EFHC2: variants seen among roughly 807,000 people sequenced by gnomAD.
EFHC2 encodes EF-hand domain-containing family member C2.
EFHC2 carries 18 observed loss-of-function variants against 52.7 expected under a neutral mutation model. The observed-to-expected ratio is 0.34, with a 90% CI of 0.24 to 0.51. The LOEUF is 0.51. Among genes scored for constraint, EFHC2 ranks in the 20% least tolerant of loss-of-function variants. The probability of loss-of-function intolerance (pLI) is 0.97; values close to 1 mark genes in which losing one functional copy is unlikely to be tolerated. For missense variants in EFHC2, 513 were observed against 562.5 expected (o/e 0.91, Z 0.89); for synonymous variants, 203 against 204.1 (o/e 0.99, Z 0.04).
chrX:44,212,882 T>A (rs1293548939), intron 11 of EFHC2, among the ~76,000 whole-genome samples: 1 of 108,289 alleles, frequency 9.2e-6, no homozygotes, highest in African/African-American at 3.4e-5. Context: ...AGGCTGATTT[T>A]TTTTTTATTT....
chrX:44,276,681 T>C (rs957367380), intron 2 of EFHC2, among the ~76,000 whole-genome samples: 3 of 111,992 alleles, frequency 2.7e-5, no homozygotes, highest in Non-Finnish European at 5.6e-5. Flanking sequence ...GACAGTTGAG[T>C]TATTTGCTTA....
chrX:44,282,134 GA>G (rs988134198), intron 2 of EFHC2, among the ~76,000 whole-genome samples: 6 of 107,015 alleles, frequency 5.6e-5, no homozygotes, highest in Admixed American at 2.0e-4. Context: ...TTTTATCATA[GA>G]AAAAAAAAGG....
chrX:44,261,754 CAA>C lies in EFHC2; in HGVS notation c.383-458_383-457del, dbSNP rs769527844. Among the ~76,000 whole-genome samples the C allele has an allele frequency of 2.7e-3, 88 of 32,475 alleles. 1 individual carries two copies. Among genetic ancestry groups the C allele is most frequent in the Middle Eastern group, 0.027 (2 of 73 alleles). 28.2% of individuals were successfully genotyped at this position (32,475 alleles called of 115,157 possible). ...CTCACAAAAATGTGTACTCATGGCT[CAA>C]AAAAAAAAAAAAAAAAAAAAAGCTA... On this transcript the variant is annotated intron_variant, in intron 3 of 14. Transcript: ENST00000420999.
intron 2 of EFHC2, among the ~76,000 whole-genome samples, chrX:44,274,643 T>G (rs1028681925): frequency 1.8e-5 from 2 of 111,908 alleles, no homozygotes; most frequent in Non-Finnish European, 3.8e-5. Context: ...CTGGCTACAG[T>G]GGCTCAGGCC....
intron 11 of EFHC2, among the ~76,000 whole-genome samples, chrX:44,216,496 T>C (rs936032695): frequency 1.8e-5 from 2 of 111,671 alleles, no homozygotes; most frequent in Non-Finnish European, 1.9e-5. Context: ...ACAACCTGCA[T>C]CTTTTCTAGC....
At chrX:44,154,390 T>C (rs1201661040) in intron 14 of EFHC2, among the ~76,000 whole-genome samples, 5 of 111,892 alleles carry the variant, frequency 4.5e-5, no homozygotes, top group African/African-American at 1.6e-4. Context: ...AGTGTCAGTG[T>C]TTCCCAGTTG....
chrX:44,339,140 G>A (rs973174584), intron 1 of EFHC2, among the ~76,000 whole-genome samples: 5 of 107,130 alleles, frequency 4.7e-5, no homozygotes, highest in Admixed American at 9.9e-5. Flanking sequence ...GCAGTGAGCC[G>A]AGATGGCGCC....
intron 2 of EFHC2, among the ~76,000 whole-genome samples, chrX:44,282,124 T>C (rs770944317): frequency 2.9e-4 from 32 of 110,446 alleles, no homozygotes; most frequent in African/African-American, 1.0e-3. Flanking sequence ...CTTTGCAGCT[T>C]TTTATCATAG....
chrX:44,320,584 C>G (rs992345884), intron 1 of EFHC2, among the ~76,000 whole-genome samples: 2 of 111,403 alleles, frequency 1.8e-5, no homozygotes, highest in African/African-American at 6.5e-5. Context: ...ACTTGTGTCC[C>G]TGATAAGTCA....
chrX:44,328,937 C>T (rs369319946), intron 1 of EFHC2, among the ~76,000 whole-genome samples: 7 of 111,513 alleles, frequency 6.3e-5, no homozygotes, highest in African/African-American at 2.0e-4. Context: ...ATGCTCCGCC[C>T]GCTCCCGGAC....
At chrX:44,274,725 C>CA (rs1184880543) in intron 2 of EFHC2, among the ~76,000 whole-genome samples, 4 of 108,752 alleles carry the variant, frequency 3.7e-5, no homozygotes, top group East Asian at 2.9e-4. Context: ...CCCGTTTTTA[C>CA]AAAAAAAAAT....
At chrX:44,298,807 G>A (rs2037846672) in intron 2 of EFHC2, among the ~76,000 whole-genome samples, 1 of 94,909 alleles carries the variant, frequency 1.1e-5, no homozygotes, top group African/African-American at 4.0e-5. Context: ...GTTGCAGTGA[G>A]CAGAGACCGC....
chrX:44,305,895 G>A (rs2037902373), intron 2 of EFHC2, among the ~76,000 whole-genome samples: 2 of 111,793 alleles, frequency 1.8e-5, no homozygotes, highest in South Asian at 7.4e-4. Flanking sequence ...AAACAAAATC[G>A]TGAGTTGTTT....
chrX:44,306,801 T>C (rs910019017), intron 2 of EFHC2, among the ~76,000 whole-genome samples: 1 of 111,670 alleles, frequency 9.0e-6, no homozygotes, highest in East Asian at 2.8e-4. Flanking sequence ...GGGATTTTAG[T>C]GCATGTGATT....
rs779008939 is a variant in EFHC2 at position 44,155,879 on chromosome X, C to G, written c.2149-6983G>C. Among the ~76,000 whole-genome samples, 66 of 112,286 alleles carry G rather than the reference C, an allele frequency of 5.9e-4. 1 individual carries two copies. The Admixed American group carries it at 6.0e-3, about 10-fold the overall frequency. ...TTTTGCGAATATTTCTTGAGATAAT[C>G]AAGAGCGTTCTGATAACATAAGGAA... On this transcript the variant is annotated intron_variant, in intron 14 of 14. Transcript: ENST00000420999.
intron 1 of EFHC2, among the ~76,000 whole-genome samples, chrX:44,324,350 ACCT>A (rs1337464318): frequency 9.1e-6 from 1 of 110,083 alleles, no homozygotes; most frequent in Non-Finnish European, 1.9e-5. Context: ...TCTTTTAAAA[ACCT>A]CTGTCTCAAA....
chrX:44,237,673 T>C (rs1490959846), intron 8 of EFHC2, among the ~76,000 whole-genome samples: 3 of 112,021 alleles, frequency 2.7e-5, no homozygotes, highest in African/African-American at 9.8e-5. Flanking sequence ...CTTAATTTTT[T>C]GTGCCTATCT....
intron 11 of EFHC2, among the ~76,000 whole-genome samples, chrX:44,222,472 C>G (rs1038749120): frequency 1.6e-4 from 18 of 112,009 alleles, no homozygotes; most frequent in African/African-American, 5.8e-4. Context: ...ACCTATAAAC[C>G]TGTTTTTAAT....
chrX:44,187,932 G>T (rs1459591049), intron 11 of EFHC2, among the ~76,000 whole-genome samples: 3 of 106,506 alleles, frequency 2.8e-5, no homozygotes, highest in Admixed American at 1.0e-4. Context: ...AGTGTTTCCT[G>T]TCAAACATGG....
Sources: allele counts gnomAD v4.1 joint callset (sites outside exome capture counted in the v4.1 genomes callset), GRCh38; gene constraint gnomAD v4.1.1; transcripts MANE v1.5; gene names NCBI Gene and HGNC (gene_info 2026-07-23, HGNC 2026-07-21).